The following ANKRD29 variants were observed in gnomAD, a reference collection of about 807,000 sequenced individuals.
The protein encoded by ANKRD29 is ankyrin repeat domain-containing protein 29.
ANKRD29 carries 32 observed loss-of-function variants against 38.0 expected under a neutral mutation model. That is an observed-to-expected ratio of 0.84 (90% confidence interval 0.64 to 1.13). The LOEUF (loss-of-function observed/expected upper bound fraction) is 1.13. Ranked by LOEUF, ANKRD29 falls within the 50% of genes most tolerant of loss-of-function variation. The pLI, the probability that ANKRD29 is intolerant of heterozygous loss-of-function variation, is 0.00. For missense variants in ANKRD29, 357 were observed against 377.9 expected (o/e 0.94, Z 0.46); for synonymous variants, 135 against 152.4 (o/e 0.89, Z 0.84).
At chr18:23,608,705 C>T (rs1222432702) in intron 9 of ANKRD29, among the ~76,000 whole-genome samples, 1 of 152,164 alleles carries the variant, frequency 6.6e-6, no homozygotes, top group African/African-American at 2.4e-5. Flanking sequence ...GTCAGACTAA[C>T]TTTGGGAAGG....
chr18:23,629,944 G>T lies in ANKRD29; in HGVS notation c.437C>A (p.Ala146Asp). The change falls in exon 6 of 10, where the codon GCC (alanine) becomes GAC (aspartate). Residue 146 changes from alanine (A) to aspartate (D), a missense_variant. Coordinates refer to ENST00000592179, the MANE Select transcript of ANKRD29 (RefSeq NM_173505.4). The part of the protein sequence containing the change: ...ANIHDQLYDG[A>D]TALFLAAQGG... ...TTGGGCAGCTAGGAAGAGGGCAGTG[G>T]CTCCATCCTGAGAGAGAACAAATTA... is the stretch of plus-strand genomic sequence containing the variant. 6.2e-7 allele frequency: 1 copy of T among 1,613,036 alleles called. No homozygotes were observed. The highest frequency in any genetic ancestry group is 8.5e-7 in the Non-Finnish European group (1 of 1,179,090).
intron 5 of ANKRD29, among the ~76,000 whole-genome samples, chr18:23,632,044 C>T (rs1335849998): frequency 6.6e-6 from 1 of 152,234 alleles, no homozygotes; most frequent in Non-Finnish European, 1.5e-5. Context: ...AGTCCAGCCA[C>T]GTGTGTCACG....
chr18:23,615,449 C>T (rs2059698417), intron 8 of ANKRD29, among the ~76,000 whole-genome samples: 1 of 151,952 alleles, frequency 6.6e-6, no homozygotes, highest in Non-Finnish European at 1.5e-5. Flanking sequence ...GAGACAGGAG[C>T]TTCTCTGTCA....
At chr18:23,654,083 T>A (rs1318488080) in intron 1 of ANKRD29, among the ~76,000 whole-genome samples, 1 of 151,586 alleles carries the variant, frequency 6.6e-6, no homozygotes, top group Non-Finnish European at 1.5e-5. Flanking sequence ...CCAGCCAACA[T>A]GGTGAAACTC....
At chr18:23,639,583 T>C (rs1265923700) in intron 3 of ANKRD29, among the ~76,000 whole-genome samples, 1 of 150,022 alleles carries the variant, frequency 6.7e-6, no homozygotes, top group Non-Finnish European at 1.5e-5. Flanking sequence ...CGAGGCTGGA[T>C]GGAGTGCAGT....
chr18:23,635,491 C>T (rs761378671), intron 4 of ANKRD29, among the ~76,000 whole-genome samples: 4 of 152,182 alleles, frequency 2.6e-5, no homozygotes, highest in South Asian at 2.1e-4. Context: ...TCAGGTGCTA[C>T]AGCTAAGGCA....
rs562657316 is a variant in ANKRD29 at position 23,611,343 on chromosome 18, C to T, written c.822+749G>A. Among the ~76,000 whole-genome samples the T allele has an allele frequency of 2.9e-4, 44 of 152,270 alleles. No homozygotes were observed. In the South Asian group the frequency reaches 8.5e-3, roughly 29 times the overall value. On this transcript the variant is annotated intron_variant, in intron 9 of 9. Coordinates refer to ENST00000592179, the MANE Select transcript of ANKRD29 (RefSeq NM_173505.4). ...CAGAACAATACTCCCATAGTAACTG[C>T]TCTCCCTTTCTTCCTCGCCTCCACC...
chr18:23,608,641 CA>C (rs2059601666), intron 9 of ANKRD29, among the ~76,000 whole-genome samples: 1 of 152,150 alleles, frequency 6.6e-6, no homozygotes. Flanking sequence ...CAGACCTAAC[CA>C]ACTCCATCTT....
intron 6 of ANKRD29, among the ~76,000 whole-genome samples, chr18:23,622,204 T>C (rs2145666961): frequency 6.6e-6 from 1 of 152,168 alleles, no homozygotes; most frequent in Non-Finnish European, 1.5e-5. Flanking sequence ...GGAAGGGTCG[T>C]TTGAAGGAGA....
chr18:23,649,664 C>T (rs1391181166), intron 1 of ANKRD29: 10 of 418,438 alleles, frequency 2.4e-5, no homozygotes, highest in Non-Finnish European at 4.3e-5. Context: ...GCCCTCAATG[C>T]TTTCTATCTG....
chr18:23,637,719 GA>G (rs1005839404), intron 4 of ANKRD29, among the ~76,000 whole-genome samples: 5 of 151,552 alleles, frequency 3.3e-5, no homozygotes, highest in East Asian at 1.9e-4. Flanking sequence ...CATTTTAACA[GA>G]AAAAAAATCC....
intron 9 of ANKRD29, among the ~76,000 whole-genome samples, chr18:23,603,121 T>A (rs1047876806): frequency 6.6e-6 from 1 of 152,262 alleles, no homozygotes; most frequent in Non-Finnish European, 1.5e-5. Flanking sequence ...GATATTATTC[T>A]CTGATGCCAC....
At chr18:23,616,550 GTA>G (rs397702856) in intron 8 of ANKRD29, among the ~76,000 whole-genome samples, 1 of 134,160 alleles carries the variant, frequency 7.5e-6, no homozygotes, top group Non-Finnish European at 1.5e-5. Context: ...TATATATATA[GTA>G]TATATATATA....
In ANKRD29 at chr18:23,600,967, T is replaced by C; in HGVS notation, c.*259A>G. 1 of 317,576 alleles carries C rather than the reference T, an allele frequency of 3.1e-6. No individual in the cohort carries two copies. Among genetic ancestry groups the C allele is most frequent in the Admixed American group, 4.5e-5 (1 of 22,402 alleles). The allele number at this position is 317,576 out of a possible 1,614,324, so 19.7% of individuals were successfully genotyped here. A position where few individuals can be genotyped will look rare whatever the true frequency, so the allele number is the denominator to read the frequency against. ...GTTGAAAATGAGTTTCTGTGGAATC[T>C]GTGAACATGCCAGGCCCCCCGGGAG... On this transcript the variant is annotated 3_prime_UTR_variant, in exon 10 of 10. Coordinates refer to ENST00000592179, the MANE Select transcript of ANKRD29 (RefSeq NM_173505.4).
rs534930088 is a variant in ANKRD29 at position 23,651,873 on chromosome 18, G to A, written c.22-2680C>T. Among the ~76,000 whole-genome samples, 4 of 152,348 alleles carry A rather than the reference G, an allele frequency of 2.6e-5. No individual in the cohort carries two copies. The South Asian group carries it at 8.3e-4, about 32-fold the overall frequency. ...GAGGCAGCAACAGTGGGTATGGGAA[G>A]ATTAGACAGACCAGAGACATTTTAA... On this transcript the variant is annotated intron_variant, in intron 1 of 9. Coordinates refer to ENST00000592179, the MANE Select transcript of ANKRD29 (RefSeq NM_173505.4).
intron 5 of ANKRD29, among the ~76,000 whole-genome samples, chr18:23,632,548 T>TATATATATATATATATATA (rs1555655824): frequency 6.8e-6 from 1 of 148,112 alleles, no homozygotes; most frequent in African/African-American, 2.5e-5. Flanking sequence ...TATATATATA[T>TATATATATATATATATATA]TACACACTCT....
At position 23,646,297 on chromosome 18, in the gene ANKRD29, G is replaced by A; in HGVS notation, c.133-10C>T. The A allele has an allele frequency of 6.2e-7, 1 of 1,612,526 alleles. No homozygotes were observed. Among genetic ancestry groups the A allele is most frequent in the Non-Finnish European group, 8.5e-7 (1 of 1,179,204 alleles). On this transcript the variant is annotated splice_polypyrimidine_tract_variant and intron_variant, in intron 2 of 9. Coordinates refer to ENST00000592179, the MANE Select transcript of ANKRD29 (RefSeq NM_173505.4). ...GGAGTGTGGTGCCATGCTGGATGGA[G>A]GAGAGACAGATGAAGAGTTAGGCCA...
In ANKRD29 at chr18:23,649,223, A is replaced by G. The variant is rs372982807; in HGVS notation, c.22-30T>C. 5.3e-4 allele frequency: 818 copies of G among 1,548,124 alleles called. 3 individuals carry two copies. Among genetic ancestry groups the G allele is most frequent in the Non-Finnish European group, 6.3e-4 (714 of 1,127,598 alleles). Reference sequence around the variant, plus strand: ...AAGAACAAAATGAAACAGGATCTTAAAATTGATGTCAGTTAACATGACTGC... The same window carrying G: ...AAGAACAAAATGAAACAGGATCTTAGAATTGATGTCAGTTAACATGACTGC... On this transcript the variant is annotated intron_variant, in intron 1 of 9. Transcript: ENST00000592179.
At chr18:23,662,617 A>AGGCCC in intron 1 of ANKRD29, 93 bp downstream of exon 1, 1 of 137,644 alleles carries the variant, frequency 7.3e-6, no homozygotes, top group East Asian at 1.2e-4. Context: ...GGCAGCGCCC[A>AGGCCC]CCCCATCCCA....
Sources: allele counts gnomAD v4.1 joint callset (sites outside exome capture counted in the v4.1 genomes callset), GRCh38; gene constraint gnomAD v4.1.1; transcripts MANE v1.5; gene names NCBI Gene and HGNC (gene_info 2026-07-23, HGNC 2026-07-21).